KRT222: variants seen among roughly 807,000 people sequenced by gnomAD.
KRT222 encodes keratin-like protein KRT222.
KRT222 carries 23 observed loss-of-function variants against 35.0 expected under a neutral mutation model. That is an observed-to-expected ratio of 0.66 (90% CI 0.47 to 0.93). The LOEUF (loss-of-function observed/expected upper bound fraction) is 0.93. KRT222 is among the 40% of genes least tolerant of loss of function. The pLI, the probability that KRT222 is intolerant of heterozygous loss-of-function variation, is 0.00. For missense variants in KRT222, 339 were observed against 346.3 expected, an observed-to-expected ratio of 0.98 and a Z score of 0.17; for synonymous variants, 108 against 118.8, an observed-to-expected ratio of 0.91 and a Z score of 0.59.
intron 1 of KRT222, among the ~76,000 whole-genome samples, chr17:40,662,467 C>T (rs961105736): frequency 6.6e-6 from 1 of 152,054 alleles, no homozygotes; most frequent in Non-Finnish European, 1.5e-5. Flanking sequence ...ACAGCCGTAC[C>T]CCCAAAACTG....
In KRT222 at chr17:40,656,638, GATAAA is replaced by G. The variant is rs781658167; in HGVS notation, c.660-13_660-9del. The stretch of plus-strand genomic sequence containing the variant: ...TCATCCACTTTCTCTGTCCTGAAAT[GATAAA>G]ATAAACCTTTTAATAATGAAGAAGT... On this transcript the variant is annotated splice_polypyrimidine_tract_variant and intron_variant, in intron 5 of 5. Transcript: ENST00000394052. The G allele has an allele frequency of 9.9e-6, 15 of 1,509,856 alleles. No individual in the cohort carries two copies. Among genetic ancestry groups the G allele is most frequent in the Admixed American group, 1.7e-5 (1 of 59,236 alleles). 93.5% of individuals were successfully genotyped at this position (1,509,856 alleles called of 1,614,324 possible).
At position 40,660,021 on chromosome 17, in the gene KRT222, T is replaced by C. The variant is rs568617077; in HGVS notation, c.412A>G (p.Thr138Ala). 6.2e-7 allele frequency: 1 copy of C among 1,614,166 alleles called. No individual in the cohort carries two copies. The highest frequency in any genetic ancestry group is 1.1e-5 in the South Asian group (1 of 91,080). The change falls in exon 3 of 6, where the codon ACT becomes GCT. Residue 138 changes from threonine (T) to alanine (A), a missense_variant. By Grantham distance (58) the Thr-to-Ala change is moderately conservative. Coordinates refer to ENST00000394052, the MANE Select transcript of KRT222 (RefSeq NM_152349.3). ...TCTTTTTCTAGGAGGTGGCGATAAG[T>C]TGCTATTTCTTGTTCCAGCCTCATC... ...TKMRLEQEIA[T>A]YRHLLEKEEI...
chr17:40,660,178 G>T lies in KRT222; in HGVS notation c.255C>A (p.Ala85=). 1 of 1,613,916 alleles carries T rather than the reference G, an allele frequency of 6.2e-7. No individual in the cohort carries two copies. The highest frequency in any genetic ancestry group is 1.1e-5 in the South Asian group (1 of 91,050). ...GCTGCATCTGGTAATGCTGCTCGCTGGCATGTAGGGAGTTTTCAAGGCCCC... is the reference window on the plus strand; with the variant it reads ...GCTGCATCTGGTAATGCTGCTCGCTTGCATGTAGGGAGTTTTCAAGGCCCC... ...VERGLENSLH[A]SEQHYQMQLQ... Residue 85 remains alanine, a synonymous_variant, in exon 3 of 6, where the codon GCC becomes GCA. Coordinates refer to ENST00000394052, the MANE Select transcript of KRT222 (RefSeq NM_152349.3).
rs200623339 is a variant in KRT222, at chr17:40,665,105, T to C, written c.-6A>G. The C allele has an allele frequency of 1.2e-6, 2 of 1,613,652 alleles. No individual in the cohort carries two copies. Among genetic ancestry groups the C allele is most frequent in the East Asian group, 4.5e-5 (2 of 44,874 alleles). Reference sequence around the variant, plus strand: ...AGTAGCTGGGACAGTTCCATTCTTTTCCCATCCTCCACCTTGGCTAACTGA... The same window carrying C: ...AGTAGCTGGGACAGTTCCATTCTTTCCCCATCCTCCACCTTGGCTAACTGA... On this transcript the variant is annotated 5_prime_UTR_variant, in exon 1 of 6. Coordinates refer to ENST00000394052, the MANE Select transcript of KRT222 (RefSeq NM_152349.3).
intron 1 of KRT222, 136 bp downstream of exon 1, chr17:40,664,868 T>C (rs2037410758): frequency 6.9e-7 from 1 of 1,457,514 alleles, no homozygotes; most frequent in Non-Finnish European, 9.2e-7. Flanking sequence ...CACACTGCAG[T>C]AGAAGCTAAA....
rs2037352145 is a variant in KRT222 at position 40,657,347 on chromosome 17, C to T, written c.659+5G>A. 1 of 1,531,944 alleles carries T rather than the reference C, an allele frequency of 6.5e-7. No homozygotes were observed. Among genetic ancestry groups the T allele is most frequent in the African/African-American group, 1.4e-5 (1 of 71,786 alleles). The allele number at this position is 1,531,944 out of a possible 1,614,324, so 94.9% of individuals were successfully genotyped here. ...TTATTTCTTAGTCAAAGTTTCTTTACTTACTGAATAGTGCCATGAGCTTCA... is the reference window on the plus strand; with the variant it reads ...TTATTTCTTAGTCAAAGTTTCTTTATTTACTGAATAGTGCCATGAGCTTCA... On this transcript the variant is annotated splice_donor_5th_base_variant and intron_variant, in intron 5 of 5. Coordinates refer to ENST00000394052, the MANE Select transcript of KRT222 (RefSeq NM_152349.3).
chr17:40,659,954 G>T (rs2037370834), intron 3 of KRT222, 33 bp downstream of exon 3: 2 of 1,560,064 alleles, frequency 1.3e-6, no homozygotes, highest in Non-Finnish European at 1.8e-6. Context: ...TGTATTTCTG[G>T]CCCCTTGTCA....
rs1428811442 is a variant in KRT222, at chr17:40,661,948, G to A, written c.193C>T (p.Leu65=). Residue 65 remains leucine, a synonymous_variant, in exon 2 of 6, where the codon CTG becomes TTG. Coordinates refer to ENST00000394052, the MANE Select transcript of KRT222 (RefSeq NM_152349.3). The part of the protein sequence containing the change: ...LKEARRQWHH[L]QVEIESLHAV... ...TGGAGAGATTCAATTTCCACTTGCAGGTGGTGCCACTGGCGTCGGGCCTCC... is the reference window on the plus strand; with the variant it reads ...TGGAGAGATTCAATTTCCACTTGCAAGTGGTGCCACTGGCGTCGGGCCTCC... 2 of 1,614,194 alleles carry A rather than the reference G, an allele frequency of 1.2e-6. No individual in the cohort carries two copies. The highest frequency in any genetic ancestry group is 3.3e-5 in the Admixed American group (2 of 60,022).
rs1057360225 is a variant in KRT222, at chr17:40,665,153, C to A, written c.-54G>T. 5.9e-6 allele frequency: 9 copies of A among 1,521,350 alleles called. No homozygotes were observed. The highest frequency in any genetic ancestry group is 2.2e-5 in the East Asian group (1 of 44,472). 94.2% of individuals were successfully genotyped at this position (1,521,350 alleles called of 1,614,324 possible). On this transcript the variant is annotated 5_prime_UTR_variant, in exon 1 of 6. Coordinates refer to ENST00000394052, the MANE Select transcript of KRT222 (RefSeq NM_152349.3). ...TGAACCTTATCGATAGGATGAGTCG[C>A]TGCGGCAGTCTGCTCGGTCTGCGCG...
At chr17:40,659,276 C>T (rs2037366411) in intron 3 of KRT222, among the ~76,000 whole-genome samples, 1 of 151,994 alleles carries the variant, frequency 6.6e-6, no homozygotes, top group Non-Finnish European at 1.5e-5. Context: ...CTGTCTCAGC[C>T]TCCCGAGTAG....
At chr17:40,663,543 GC>G (rs1259381922) in intron 1 of KRT222, among the ~76,000 whole-genome samples, 1 of 152,214 alleles carries the variant, frequency 6.6e-6, no homozygotes, top group South Asian at 2.1e-4. Flanking sequence ...GCAATGCCCT[GC>G]CAAAGTGCCA....
At chr17:40,657,614 A>C (rs764132109) in intron 4 of KRT222, 60 bp downstream of exon 4, 1 of 1,517,552 alleles carries the variant, frequency 6.6e-7, no homozygotes, top group East Asian at 2.3e-5. Context: ...TTCCTTATAA[A>C]GTAATCCCTG....
At chr17:40,663,142 G>A (rs1250907511) in intron 1 of KRT222, among the ~76,000 whole-genome samples, 1 of 152,150 alleles carries the variant, frequency 6.6e-6, no homozygotes, top group East Asian at 1.9e-4. Flanking sequence ...TTGGAGAGAA[G>A]AAAACAGAAA....
intron 1 of KRT222, among the ~76,000 whole-genome samples, chr17:40,664,477 T>A (rs986396481): frequency 1.3e-5 from 2 of 152,218 alleles, no homozygotes; most frequent in African/African-American, 4.8e-5. Flanking sequence ...TCATTGTTTC[T>A]GAATGCCATG....
At position 40,665,160 on chromosome 17, in the gene KRT222, A is replaced by G; in HGVS notation, c.-61T>C. The stretch of plus-strand genomic sequence containing the variant: ...TATCGATAGGATGAGTCGCTGCGGC[A>G]GTCTGCTCGGTCTGCGCGGAAGGCA... On this transcript the variant is annotated 5_prime_UTR_variant, in exon 1 of 6. Coordinates refer to ENST00000394052, the MANE Select transcript of KRT222 (RefSeq NM_152349.3). 1 of 1,516,060 alleles carries G rather than the reference A, an allele frequency of 6.6e-7. No homozygotes were observed. The highest frequency in any genetic ancestry group is 9.1e-7 in the Non-Finnish European group (1 of 1,094,490). The allele number at this position is 1,516,060 out of a possible 1,614,324, so 93.9% of individuals were successfully genotyped here.
rs1268231752 is a variant in KRT222 at position 40,664,800 on chromosome 17, CACTT to C, written c.96+200_96+203del. On this transcript the variant is annotated intron_variant, in intron 1 of 5. Coordinates refer to ENST00000394052, the MANE Select transcript of KRT222 (RefSeq NM_152349.3). ...TATAAAAATCAAATGCATCAATCAA[CACTT>C]ACTTAATGGCAATTTAACAATATAA... 29 of 803,436 alleles carry C rather than the reference CACTT, an allele frequency of 3.6e-5. No homozygotes were observed. The South Asian group carries it at 4.5e-4, about 13-fold the overall frequency. The allele number at this position is 803,436 out of a possible 1,614,324, so 49.8% of individuals were successfully genotyped here. A position where few individuals can be genotyped will look rare whatever the true frequency, so the allele number is the denominator to read the frequency against.
At position 40,661,981 on chromosome 17, in the gene KRT222, C is replaced by T; in HGVS notation, c.160G>A (p.Glu54Lys). The T allele has an allele frequency of 6.2e-7, 1 of 1,614,212 alleles. No homozygotes were observed. Among genetic ancestry groups the T allele is most frequent in the Non-Finnish European group, 8.5e-7 (1 of 1,180,026 alleles). ...DEEALKAAQA[E>K]LKEARRQWHH... ...CACTGGCGTCGGGCCTCCTTGAGTT[C>T]TGCTTGAGCTGCCTTCAAAGCCTCT... Residue 54 changes from glutamate to lysine, a missense_variant, in exon 2 of 6, where the codon GAA (glutamate) becomes AAA (lysine). By Grantham distance (56) the Glu-to-Lys change is moderately conservative. Transcript: ENST00000394052.
chr17:40,657,764 G>T lies in KRT222; in HGVS notation c.447-14C>A, dbSNP rs1162281238. 1.6e-5 allele frequency: 25 copies of T among 1,578,594 alleles called. No homozygotes were observed. Among genetic ancestry groups the T allele is most frequent in the African/African-American group, 5.4e-5 (4 of 73,952 alleles). On this transcript the variant is annotated splice_polypyrimidine_tract_variant and intron_variant, in intron 3 of 5. Transcript: ENST00000394052. The stretch of plus-strand genomic sequence containing the variant: ...CAACCATAATATCTGAAATCAGAAA[G>T]AATTTTATTTTAAGAGCAACACTGT...
Position 40,656,545 on chromosome 17 carries a change from G to A in KRT222, c.745C>T (p.Leu249Phe), listed in dbSNP as rs1466843628. ...NPRLRKKSVS[L>F]RFDLHLAATD... The stretch of plus-strand genomic sequence containing the variant: ...GCTGCTAAATGAAGATCAAATCGAA[G>A]AGAAACAGACTTTTTCCTCAATCGA... Residue 249 changes from leucine to phenylalanine, a missense_variant, in exon 6 of 6, where the codon CTT becomes TTT. Transcript: ENST00000394052. The A allele has an allele frequency of 6.2e-7, 1 of 1,613,782 alleles. No individual in the cohort carries two copies. The highest frequency in any genetic ancestry group is 1.7e-5 in the Admixed American group (1 of 60,014).
Sources: allele counts gnomAD v4.1 joint callset (sites outside exome capture counted in the v4.1 genomes callset), GRCh38; gene constraint gnomAD v4.1.1; transcripts MANE v1.5; gene names NCBI Gene and HGNC (gene_info 2026-07-23, HGNC 2026-07-21).